The following ERCC2 variants were observed in gnomAD, a reference collection of about 807,000 sequenced individuals.
ERCC2 encodes the protein ERCC excision repair 2, TFIIH core complex helicase subunit.
In ERCC2, 90 loss-of-function variants were observed where a neutral mutation model predicts 99.4. The ratio of observed to expected loss-of-function variants is 0.91; its 90% CI spans 0.76 to 1.08. ERCC2 has a LOEUF of 1.08. Ranked by LOEUF, ERCC2 falls within the 50% of genes least tolerant of loss-of-function variation. The pLI, the probability that ERCC2 is intolerant of heterozygous loss-of-function variation, is 0.00. For missense variants in ERCC2, 993 were observed against 1,038.1 expected (o/e 0.96, Z 0.60); for synonymous variants, 497 against 432.4 (o/e 1.15, Z -1.85).
chr19:45,353,420 C>T, intron 17 of ERCC2, 86 bp from the exon 18 acceptor site: 1 of 872,888 alleles, frequency 1.1e-6, no homozygotes, highest in Non-Finnish European at 1.9e-6. Context: ...TCCCACATCA[C>T]CATGTCTCTG....
intron 12 of ERCC2, among the ~76,000 whole-genome samples, chr19:45,360,082 TTTC>T (rs1972160462): frequency 7.6e-6 from 1 of 131,696 alleles, no homozygotes; most frequent in East Asian, 2.5e-4. Flanking sequence ...GCCTATTTTT[TTTC>T]TTTTTTTTTT....
Position 45,358,398 on chromosome 19 carries a change from C to A in ERCC2, c.1238-699G>T, listed in dbSNP as rs138276212. ...AAACCTACCTGCAATTCGCCCACTG[C>A]CCCCGACCCCACGCGGGGCCAGCCA... is the stretch of plus-strand genomic sequence containing the variant. On this transcript the variant is annotated intron_variant, in intron 12 of 22. Transcript: ENST00000391945. 9 of 210,420 alleles carry A rather than the reference C, an allele frequency of 4.3e-5. 1 individual carries two copies. The South Asian group carries it at 7.1e-4, about 17-fold the overall frequency. The allele number at this position is 210,420 out of a possible 1,614,324, so 13.0% of individuals were successfully genotyped here.
At chr19:45,361,768 G>T in intron 11 of ERCC2, 126 bp from the exon 12 acceptor site, 1 of 759,108 alleles carries the variant, frequency 1.3e-6, no homozygotes, top group Non-Finnish European at 2.4e-6. Flanking sequence ...GTGAGGGTGG[G>T]CACTGGGCCT....
At chr19:45,361,029 G>A (rs572619853) in intron 12 of ERCC2, among the ~76,000 whole-genome samples, 106 of 152,094 alleles carry the variant, frequency 7.0e-4, no homozygotes, top group African/African-American at 2.3e-3. Flanking sequence ...TACTCGGGAG[G>A]CTGAGGCAGG....
intron 9 of ERCC2, 49 bp downstream of exon 9, chr19:45,364,186 G>A (rs759822947): frequency 8.1e-6 from 13 of 1,611,530 alleles, no homozygotes; most frequent in Non-Finnish European, 1.1e-5. Context: ...ACAGGGGCCA[G>A]GGTCCCAGGG....
chr19:45,355,559 A>G (rs1971983638), intron 16 of ERCC2, 106 bp downstream of exon 16: 1 of 1,048,996 alleles, frequency 9.5e-7, no homozygotes, highest in Admixed American at 1.7e-5. Flanking sequence ...CTCTGGGCTG[A>G]GCAACTAAGG....
chr19:45,359,273 G>A (rs532344126), intron 12 of ERCC2, among the ~76,000 whole-genome samples: 1 of 152,338 alleles, frequency 6.6e-6, no homozygotes, highest in East Asian at 1.9e-4. Flanking sequence ...GGTGTTGGCA[G>A]ATGGGAAATA....
At chr19:45,360,630 G>A (rs899141220) in intron 12 of ERCC2, among the ~76,000 whole-genome samples, 2 of 151,938 alleles carry the variant, frequency 1.3e-5, no homozygotes, top group African/African-American at 2.4e-5. Context: ...TGCCCACCTC[G>A]GCCCCCCAAA....
chr19:45,350,966 C>A lies in ERCC2; in HGVS notation c.*663G>T. 6.2e-7 allele frequency: 1 copy of A among 1,614,118 alleles called. No individual in the cohort carries two copies. Among genetic ancestry groups the A allele is most frequent in the Non-Finnish European group, 8.5e-7 (1 of 1,180,016 alleles). On this transcript the variant is annotated 3_prime_UTR_variant, in exon 23 of 23. Coordinates refer to ENST00000391945, the MANE Select transcript of ERCC2 (RefSeq NM_000400.4). ...GCCCTCTTTGCAGAATGAAGAGAGC[C>A]ATGTCACTCAACACACTGAACGTGG... is the stretch of plus-strand genomic sequence containing the variant.
chr19:45,351,446 GC>G lies in ERCC2; in HGVS notation c.*182del, dbSNP rs894183102. The G allele has an allele frequency of 4.1e-5, 65 of 1,582,496 alleles. No homozygotes were observed. The highest frequency in any genetic ancestry group is 1.3e-4 in the South Asian group (12 of 89,136). On this transcript the variant is annotated 3_prime_UTR_variant, in exon 23 of 23. Transcript: ENST00000391945. Reference sequence around the variant, plus strand: ...GTGAGAGGGGGTCTATCATCTCCTGGCCCCCCCTTGCCTCTGGGTACCTGGT... The same window carrying G: ...GTGAGAGGGGGTCTATCATCTCCTGGCCCCCCTTGCCTCTGGGTACCTGGT...
rs201505264 is a variant in ERCC2 at position 45,357,472 on chromosome 19, A to G, written c.1377+2T>C. ...TAGGAGGGGACGGGGAAGGGTCCTT[A>G]CCCCAGATGTGATGATGACAGACTG... On this transcript the variant is annotated splice_donor_variant, in intron 14 of 22. Coordinates refer to ENST00000391945, the MANE Select transcript of ERCC2 (RefSeq NM_000400.4). LOFTEE classifies it high-confidence loss of function. 4.8e-5 allele frequency: 78 copies of G among 1,613,592 alleles called. No individual in the cohort carries two copies. Among genetic ancestry groups the G allele is most frequent in the Non-Finnish European group, 6.4e-5 (76 of 1,179,636 alleles).
rs1300465184 is a variant in ERCC2, at chr19:45,352,289, C to T, written c.2110G>A (p.Ala704Thr). 1.2e-6 allele frequency: 2 copies of T among 1,614,164 alleles called. No homozygotes were observed. Among genetic ancestry groups the T allele is most frequent in the Admixed American group, 1.7e-5 (1 of 60,032 alleles). Residue 704 changes from alanine (A) to threonine (T), a missense_variant, in exon 22 of 23, where the codon GCC becomes ACC. Physicochemically the swap from Ala to Thr is moderately conservative, Grantham distance 58. This residue lies in a region of ERCC2 where 909 missense variants were observed against 930.8 expected (regional missense o/e 0.98). Coordinates refer to ENST00000391945, the MANE Select transcript of ERCC2 (RefSeq NM_000400.4). ...PRWIQEHLTD[A>T]NLNLTVDEGV... ...TCGTCCACGGTCAGGTTGAGGTTGG[C>T]ATCTGTGAGGTGCTCCTGGATCCAG...
chr19:45,351,628 C>T lies in ERCC2; in HGVS notation c.*1G>A. 1 of 1,614,008 alleles carries T rather than the reference C, an allele frequency of 6.2e-7. No homozygotes were observed. The highest frequency in any genetic ancestry group is 8.5e-7 in the Non-Finnish European group (1 of 1,179,974). ...ACCGTTTATGGCCCCACCCGCCCCA[C>T]TCAGAGCTGCTGAGCAATCTGCTCT... On this transcript the variant is annotated 3_prime_UTR_variant, in exon 23 of 23. Coordinates refer to ENST00000391945, the MANE Select transcript of ERCC2 (RefSeq NM_000400.4).
intron 2 of ERCC2, 77 bp downstream of exon 2, chr19:45,370,056 G>T: frequency 7.3e-7 from 1 of 1,367,208 alleles, no homozygotes; most frequent in South Asian, 1.2e-5. Flanking sequence ...AAATCCAGAC[G>T]TCCTGCAATC....
At position 45,357,691 on chromosome 19, in the gene ERCC2, T is replaced by G; in HGVS notation, c.1246A>C (p.Ile416Leu). The change falls in exon 13 of 23, where the codon ATC becomes CTC. Residue 416 changes from isoleucine (I) to leucine (L), a missense_variant. Physicochemically the swap from Ile to Leu is conservative, Grantham distance 5. Coordinates refer to ENST00000391945, the MANE Select transcript of ERCC2 (RefSeq NM_000400.4). ...CTGTCGTCAAAGGGCTCGATGATGA[T>G]GGTGAAGCCTGCAGAGGGCAGGCAA... ...LVSTYAKGFT[I>L]IIEPFDDRTP... 6.2e-7 allele frequency: 1 copy of G among 1,613,716 alleles called. No individual in the cohort carries two copies. The highest frequency in any genetic ancestry group is 8.5e-7 in the Non-Finnish European group (1 of 1,179,948).
At chr19:45,353,424 G>A (rs1211092372) in intron 17 of ERCC2, 90 bp from the exon 18 acceptor site, 4 of 840,104 alleles carry the variant, frequency 4.8e-6, no homozygotes, top group African/African-American at 1.7e-5. Flanking sequence ...ACATCACCAT[G>A]TCTCTGGGCC....
intron 5 of ERCC2, among the ~76,000 whole-genome samples, chr19:45,367,574 G>A (rs544419559): frequency 2.0e-4 from 30 of 149,712 alleles, no homozygotes; most frequent in Non-Finnish European, 7.4e-5. Flanking sequence ...CTGGAGTGCA[G>A]TGGCGCGATC....
At chr19:45,351,929 C>T (rs1041822323) in intron 22 of ERCC2, among the ~76,000 whole-genome samples, 8 of 152,164 alleles carry the variant, frequency 5.3e-5, no homozygotes, top group South Asian at 4.1e-4. Context: ...GGAGAAGGAC[C>T]GGCTTTCTCC....
In ERCC2 at chr19:45,351,297, G is replaced by T. The variant is rs1251138166; in HGVS notation, c.*332C>A. 6.2e-7 allele frequency: 1 copy of T among 1,612,552 alleles called. No individual in the cohort carries two copies. The highest frequency in any genetic ancestry group is 1.1e-5 in the South Asian group (1 of 91,074). ...GTGCCTGTCTCCAGTTTCCCAGCTG[G>T]CACCTGGACAAGGCCCCTCGGACCC... On this transcript the variant is annotated 3_prime_UTR_variant, in exon 23 of 23. Coordinates refer to ENST00000391945, the MANE Select transcript of ERCC2 (RefSeq NM_000400.4).
Sources: gnomAD v4.1 joint callset for allele counts (sites outside exome capture counted in the v4.1 genomes callset) on GRCh38, gnomAD v4.1.1 for gene constraint, gnomAD v4.1.1 regional missense constraint, MANE v1.5 for transcripts, NCBI Gene and HGNC (gene_info 2026-07-23, HGNC 2026-07-21) for gene names.